ACKR2: variants seen among roughly 807,000 people sequenced by gnomAD.
The protein encoded by ACKR2 is C-C chemokine receptor D6.
For missense variants in ACKR2, 457 were observed against 477.3 expected, an observed-to-expected ratio of 0.96 and a Z score of 0.40; for synonymous variants, 207 against 192.2, an observed-to-expected ratio of 1.08 and a Z score of -0.64.
At chr3:42,846,829 T>C (rs574275850) in intron 2 of ACKR2, among the ~76,000 whole-genome samples, 1 of 152,322 alleles carries the variant, frequency 6.6e-6, no homozygotes, top group Non-Finnish European at 1.5e-5. Flanking sequence ...CTGGCTGGGC[T>C]ATGCAGTGGG....
intron 2 of ACKR2, among the ~76,000 whole-genome samples, chr3:42,843,346 A>C (rs1701060437): frequency 6.6e-6 from 1 of 152,214 alleles, no homozygotes; most frequent in African/African-American, 2.4e-5. Flanking sequence ...CTGGGATTGC[A>C]GGCATGAGCC....
intron 2 of ACKR2, among the ~76,000 whole-genome samples, chr3:42,822,713 G>A (rs781611967): frequency 3.0e-4 from 45 of 151,410 alleles, no homozygotes; most frequent in African/African-American, 9.7e-4. Context: ...TTACCCAGGC[G>A]TGGTGGTGCA....
In ACKR2 at chr3:42,865,730, C is replaced by T. The variant is rs1575395594; in HGVS notation, c.*73C>T. 1 of 1,211,954 alleles carries T rather than the reference C, an allele frequency of 8.3e-7. No individual in the cohort carries two copies. 75.1% of individuals were successfully genotyped at this position (1,211,954 alleles called of 1,614,324 possible). On this transcript the variant is annotated 3_prime_UTR_variant, in exon 3 of 3. Coordinates refer to ENST00000422265, the MANE Select transcript of ACKR2 (RefSeq NM_001296.5). ...GGGTGTCCACTCAAAGTGCTCTCTC[C>T]AGGGGCCTCAGTGACTGTGTTGCTA...
chr3:42,831,777 G>A (rs1700934337), intron 2 of ACKR2, among the ~76,000 whole-genome samples: 1 of 152,202 alleles, frequency 6.6e-6, no homozygotes, highest in Non-Finnish European at 1.5e-5. Flanking sequence ...TCTTCAAATA[G>A]TCAATACATC....
chr3:42,859,326 T>A (rs532090765), intron 2 of ACKR2, among the ~76,000 whole-genome samples: 3 of 151,970 alleles, frequency 2.0e-5, no homozygotes, highest in Admixed American at 6.5e-5. Context: ...ACAGCTGATC[T>A]CTCTGCAGAA....
chr3:42,843,323 G>A (rs1174314566), intron 2 of ACKR2, among the ~76,000 whole-genome samples: 1 of 151,984 alleles, frequency 6.6e-6, no homozygotes, highest in African/African-American at 2.4e-5. Context: ...TGCCCCCCCA[G>A]CCTCCCAAAG....
rs1253242038 is a variant in ACKR2 at position 42,852,295 on chromosome 3, T to C, written c.-37-12171T>C. On this transcript the variant is annotated intron_variant, in intron 2 of 2. Transcript: ENST00000422265. The surrounding 1 kb of genome is among the most constrained non-coding windows in gnomAD (Gnocchi z 4.3). ...GAAATACACACGCAAGGAGTTCTCA[T>C]GGGAACATTACAGGCAACAAGTACA... is the stretch of plus-strand genomic sequence containing the variant. The C allele has an allele frequency of 2.6e-5, 4 of 152,100 alleles. No individual in the cohort carries two copies. The highest frequency in any genetic ancestry group is 7.2e-5 in the African/African-American group (3 of 41,412). The allele number at this position is 152,100 out of a possible 1,614,324, so 9.4% of individuals were successfully genotyped here. A position where few individuals can be genotyped will look rare whatever the true frequency, so the allele number is the denominator to read the frequency against.
At chr3:42,859,063 A>T (rs2088352545) in intron 2 of ACKR2, among the ~76,000 whole-genome samples, 1 of 152,194 alleles carries the variant, frequency 6.6e-6, no homozygotes, top group Admixed American at 6.5e-5. Context: ...GTGTACCTGA[A>T]AGTGACGGAG....
At chr3:42,813,604 C>G (rs1253084348) in intron 1 of ACKR2, among the ~76,000 whole-genome samples, 5 of 152,184 alleles carry the variant, frequency 3.3e-5, no homozygotes, top group Admixed American at 1.3e-4. Context: ...AAAGTCCACC[C>G]CCGTGATCTA....
chr3:42,848,017 G>A (rs1312526457), intron 2 of ACKR2, among the ~76,000 whole-genome samples: 1 of 152,018 alleles, frequency 6.6e-6, no homozygotes, highest in African/African-American at 2.4e-5. Flanking sequence ...CACTGAGGGA[G>A]TGACTTAGCC....
intron 2 of ACKR2, among the ~76,000 whole-genome samples, chr3:42,823,438 A>G (rs1203090559): frequency 6.6e-6 from 1 of 151,992 alleles, no homozygotes; most frequent in African/African-American, 2.4e-5. Context: ...TCATTCTATA[A>G]TTTATTCAAG....
chr3:42,859,520 A>G (rs2088358466), intron 2 of ACKR2, among the ~76,000 whole-genome samples: 1 of 151,840 alleles, frequency 6.6e-6, no homozygotes, highest in African/African-American at 2.4e-5. Context: ...CTGGGACTAG[A>G]GGCGCCCGCC....
chr3:42,843,083 T>G (rs1232737985), intron 2 of ACKR2, among the ~76,000 whole-genome samples: 2 of 151,250 alleles, frequency 1.3e-5, no homozygotes, highest in Admixed American at 6.6e-5. Flanking sequence ...TTATTCATTA[T>G]TTTTTGAGAT....
chr3:42,859,142 C>T (rs1193013527), intron 2 of ACKR2, among the ~76,000 whole-genome samples: 3 of 152,110 alleles, frequency 2.0e-5, no homozygotes, highest in African/African-American at 7.2e-5. Context: ...CCTAGCAAGA[C>T]AGGCCAACAT....
At chr3:42,853,107 C>A (rs1266495967) in intron 2 of ACKR2, among the ~76,000 whole-genome samples, 1 of 152,174 alleles carries the variant, frequency 6.6e-6, no homozygotes, top group African/African-American at 2.4e-5. Context: ...CTATTATCTT[C>A]ATTGTGTTTT....
intron 1 of ACKR2, among the ~76,000 whole-genome samples, chr3:42,816,657 A>G (rs1200289100): frequency 6.6e-6 from 1 of 151,928 alleles, no homozygotes; most frequent in Non-Finnish European, 1.5e-5. Flanking sequence ...CATGGGTTCA[A>G]GTAATTCTCA....
intron 2 of ACKR2, among the ~76,000 whole-genome samples, chr3:42,858,560 A>T (rs2088346761): frequency 1.3e-5 from 2 of 152,196 alleles, no homozygotes; most frequent in African/African-American, 4.8e-5. Flanking sequence ...ATCCATGAAG[A>T]TGAGGAAAAA....
At chr3:42,861,987 A>C (rs2088389468) in intron 2 of ACKR2, among the ~76,000 whole-genome samples, 1 of 152,212 alleles carries the variant, frequency 6.6e-6, no homozygotes, top group African/African-American at 2.4e-5. Context: ...ACTCCTGTTC[A>C]ACATAGTATT....
chr3:42,838,637 TTGAC>T (rs1365357554), intron 2 of ACKR2, among the ~76,000 whole-genome samples: 2 of 152,224 alleles, frequency 1.3e-5, no homozygotes, highest in African/African-American at 2.4e-5. Flanking sequence ...GAAAAACAGT[TTGAC>T]TGGTTTCTTA....
Sources: allele counts gnomAD v4.1 joint callset (sites outside exome capture counted in the v4.1 genomes callset), GRCh38; gene constraint gnomAD v4.1.1; non-coding constraint Gnocchi (gnomAD v3.1); transcripts MANE v1.5; gene names NCBI Gene and HGNC (gene_info 2026-07-23, HGNC 2026-07-21).